Variants in CACNA2D1 observed in about 807,000 individuals in gnomAD.
CACNA2D1 encodes the protein voltage-dependent calcium channel subunit alpha-2/delta-1.
A neutral mutation model predicts 171.5 loss-of-function variants in CACNA2D1; 53 were observed. The ratio of observed to expected loss-of-function variants is 0.31; its 90% CI spans 0.25 to 0.39. The LOEUF is 0.39. Among genes scored for constraint, CACNA2D1 ranks in the 10% least tolerant of loss-of-function variants. CACNA2D1 has a pLI of 1.00. For synonymous variants in CACNA2D1, 442 were observed against 443.1 expected, an observed-to-expected ratio of 1.00 and a Z score of 0.03; for missense variants, 903 against 1,299.8, an observed-to-expected ratio of 0.69 and a Z score of 4.69.
At chr7:81,983,072 A>C (rs1796600263) in intron 23 of CACNA2D1, among the ~76,000 whole-genome samples, 6 of 152,194 alleles carry the variant, frequency 3.9e-5, no homozygotes, top group Admixed American at 3.9e-4. Context: ...TGAATTAGTA[A>C]GTGGAAGGAT....
intron 3 of CACNA2D1, among the ~76,000 whole-genome samples, chr7:82,180,378 G>A (rs969264438): frequency 6.6e-6 from 1 of 152,144 alleles, no homozygotes; most frequent in Non-Finnish European, 1.5e-5. Flanking sequence ...AGAGTCCAGA[G>A]ATACTGATGC....
chr7:82,358,673 G>GT (rs148258535), intron 1 of CACNA2D1, among the ~76,000 whole-genome samples: 1,543 of 147,774 alleles, frequency 0.01, 12 homozygotes, highest in Non-Finnish European at 0.015. Context: ...TTCATTTTCT[G>GT]TTTTTTTTTT....
chr7:82,093,370 C>A (rs542277899), intron 6 of CACNA2D1, among the ~76,000 whole-genome samples: 1 of 152,238 alleles, frequency 6.6e-6, no homozygotes, highest in African/African-American at 2.4e-5. Flanking sequence ...TCCTAATACT[C>A]AGCATTTAAA....
Position 82,144,231 on chromosome 7 carries a change from G to A in CACNA2D1, c.355-7555C>T, listed in dbSNP as rs1240060701. 2.0e-5 allele frequency among the ~76,000 whole-genome samples: 3 copies of A among 151,996 alleles called. No homozygotes were observed. In the South Asian group the frequency reaches 6.2e-4, roughly 32 times the overall value. On this transcript the variant is annotated intron_variant, in intron 4 of 38. Transcript: ENST00000356860. ...TAAGAATTTGGTTTCCAACACAATC[G>A]ATAGTACTGATACTAATACCATACT... is the stretch of plus-strand genomic sequence containing the variant.
At chr7:82,112,712 C>G (rs1480787794) in intron 6 of CACNA2D1, among the ~76,000 whole-genome samples, 1 of 152,122 alleles carries the variant, frequency 6.6e-6, no homozygotes, top group African/African-American at 2.4e-5. Flanking sequence ...TTTACAACAG[C>G]TAAATGTAAA....
At chr7:82,087,113 A>G (rs1810565698) in intron 6 of CACNA2D1, among the ~76,000 whole-genome samples, 1 of 152,198 alleles carries the variant, frequency 6.6e-6, no homozygotes, top group African/African-American at 2.4e-5. Context: ...TCAGAATGAA[A>G]GTATTGGCAT....
At chr7:81,984,178 T>C (rs1796723251) in intron 22 of CACNA2D1, among the ~76,000 whole-genome samples, 1 of 152,112 alleles carries the variant, frequency 6.6e-6, no homozygotes, top group Non-Finnish European at 1.5e-5. Flanking sequence ...TAGAAGAAGA[T>C]GTGAAGCACA....
chr7:82,426,188 T>TAAA, intron 1 of CACNA2D1, among the ~76,000 whole-genome samples: 1 of 149,358 alleles, frequency 6.7e-6, no homozygotes, highest in African/African-American at 2.5e-5. Flanking sequence ...AATACATAAA[T>TAAA]TCTATTTGGT....
chr7:82,002,600 G>A (rs1054823308), intron 18 of CACNA2D1, among the ~76,000 whole-genome samples: 4 of 152,044 alleles, frequency 2.6e-5, no homozygotes, highest in Non-Finnish European at 5.9e-5. Flanking sequence ...CATAGATTAT[G>A]CACAATTTCC....
intron 1 of CACNA2D1, among the ~76,000 whole-genome samples, chr7:82,367,573 G>A (rs1585678320): frequency 6.6e-6 from 1 of 152,006 alleles, no homozygotes; most frequent in African/African-American, 2.4e-5. Flanking sequence ...CTTGTTTTCA[G>A]CCTCTTTTCT....
intron 6 of CACNA2D1, among the ~76,000 whole-genome samples, chr7:82,105,854 C>T (rs1787699197): frequency 6.6e-6 from 1 of 152,092 alleles, no homozygotes; most frequent in Non-Finnish European, 1.5e-5. Flanking sequence ...CACACATGTT[C>T]CAGTGACTGT....
rs1797522240 is a variant in CACNA2D1, at chr7:81,991,343, A to G, written c.1735-97T>C. The stretch of plus-strand genomic sequence containing the variant: ...GAATTTACTTATAAATTTTGTAGTC[A>G]TTTAATACTCATCTTTACAAAGGTA... On this transcript the variant is annotated intron_variant, in intron 20 of 38. Coordinates refer to ENST00000356860, the MANE Select transcript of CACNA2D1 (RefSeq NM_000722.4). 4.1e-6 allele frequency: 3 copies of G among 725,606 alleles called. No individual in the cohort carries two copies. In the South Asian group the frequency reaches 4.4e-5, roughly 11 times the overall value. The allele number at this position is 725,606 out of a possible 1,614,324, so 44.9% of individuals were successfully genotyped here.
At chr7:81,983,370 CAAA>C in intron 22 of CACNA2D1, 36 bp from the exon 23 acceptor site, 2 of 1,345,402 alleles carry the variant, frequency 1.5e-6, no homozygotes. Context: ...AGCAGGGAAA[CAAA>C]AAAAAAAGAG....
chr7:82,287,820 G>A (rs904989780), intron 3 of CACNA2D1, among the ~76,000 whole-genome samples: 1 of 151,164 alleles, frequency 6.6e-6, no homozygotes, highest in African/African-American at 2.4e-5. Context: ...GCTAAGAATA[G>A]GGCTTGTTTA....
intron 3 of CACNA2D1, among the ~76,000 whole-genome samples, chr7:82,288,353 G>A (rs1157217726): frequency 6.6e-6 from 1 of 151,710 alleles, no homozygotes; most frequent in African/African-American, 2.4e-5. Context: ...GATTGTTTGG[G>A]GCAGTTAAGG....
Position 82,302,370 on chromosome 7 carries a change from G to A in CACNA2D1, c.294+32765C>T, listed in dbSNP as rs1053833492. ...CCAATTTGATGATGTGTAATAAAACGCCTTGAAATACACAAATCCTCATCT... is the reference window on the plus strand; with the variant it reads ...CCAATTTGATGATGTGTAATAAAACACCTTGAAATACACAAATCCTCATCT... On this transcript the variant is annotated intron_variant, in intron 3 of 38. Transcript: ENST00000356860. Among the ~76,000 whole-genome samples the A allele has an allele frequency of 4.6e-5, 7 of 151,330 alleles. No individual in the cohort carries two copies. In the East Asian group the frequency reaches 7.8e-4, roughly 17 times the overall value.
intron 3 of CACNA2D1, among the ~76,000 whole-genome samples, chr7:82,214,153 C>A (rs1435452929): frequency 6.6e-6 from 1 of 152,146 alleles, no homozygotes; most frequent in Non-Finnish European, 1.5e-5. Flanking sequence ...ATACCATCAC[C>A]TTGGGGATTA....
At chr7:82,428,867 G>A (rs527553122) in intron 1 of CACNA2D1, among the ~76,000 whole-genome samples, 8 of 152,130 alleles carry the variant, frequency 5.3e-5, no homozygotes, top group Non-Finnish European at 1.2e-4. Context: ...ATACCAGATT[G>A]CCTACCTTGA....
intron 1 of CACNA2D1, among the ~76,000 whole-genome samples, chr7:82,426,177 A>G (rs1829165115): frequency 2.1e-5 from 2 of 94,564 alleles, no homozygotes; most frequent in African/African-American, 1.1e-4. Flanking sequence ...ATAAATAAAT[A>G]AATACATAAA....
Sources: allele counts gnomAD v4.1 joint callset (sites outside exome capture counted in the v4.1 genomes callset), GRCh38; gene constraint gnomAD v4.1.1; transcripts MANE v1.5; gene names NCBI Gene and HGNC (gene_info 2026-07-23, HGNC 2026-07-21).